SLC4A4: variants seen among roughly 807,000 people sequenced by gnomAD.
SLC4A4 encodes solute carrier family 4 member 4.
SLC4A4 carries 27 observed loss-of-function variants against 111.5 expected under a neutral mutation model. The observed-to-expected ratio is 0.24, with a 90% CI of 0.18 to 0.33. SLC4A4 has a LOEUF of 0.33. SLC4A4 is among the 10% of genes least tolerant of loss of function. The pLI is 1.00. For missense variants in SLC4A4, 909 were observed against 1,315.5 expected (o/e 0.69, Z 4.78); for synonymous variants, 443 against 463.4 (o/e 0.96, Z 0.57).
At chr4:71,279,477 T>C (rs1723331094) in intron 3 of SLC4A4, among the ~76,000 whole-genome samples, 1 of 152,198 alleles carries the variant, frequency 6.6e-6, no homozygotes, top group Admixed American at 6.5e-5. Flanking sequence ...TATGTATGTA[T>C]ATATACATAT....
chr4:71,293,429 G>A lies in SLC4A4; in HGVS notation c.253+38030G>A, dbSNP rs568012239. Among the ~76,000 whole-genome samples, 3 of 151,774 alleles carry A rather than the reference G, an allele frequency of 2.0e-5. No homozygotes were observed. In the East Asian group the frequency reaches 5.9e-4, roughly 30 times the overall value. On this transcript the variant is annotated intron_variant, in intron 3 of 25. Transcript: ENST00000264485. ...AATACCAAAATTAGCTGGGTGTGGT[G>A]ATGCACACCTGTAGTCCTAGCTACT... is the stretch of plus-strand genomic sequence containing the variant.
intron 3 of SLC4A4, among the ~76,000 whole-genome samples, chr4:71,299,637 A>G (rs566151646): frequency 7.2e-5 from 11 of 152,354 alleles, no homozygotes; most frequent in Admixed American, 6.5e-4. Flanking sequence ...TGGGGTTTCC[A>G]GAACAAAGGC....
intron 2 of SLC4A4, among the ~76,000 whole-genome samples, chr4:71,160,641 G>A (rs1744595249): frequency 6.6e-6 from 1 of 150,760 alleles, no homozygotes; most frequent in African/African-American, 2.5e-5. Flanking sequence ...GATGAGGGAT[G>A]AGGAAAGGTA....
chr4:71,466,649 T>C, intron 13 of SLC4A4, 72 bp downstream of exon 13: 1 of 1,452,978 alleles, frequency 6.9e-7, no homozygotes, highest in Non-Finnish European at 9.6e-7. Context: ...AGATAGAGCA[T>C]AGAATAGTGA....
At chr4:71,175,789 G>T (rs1458185648) in intron 2 of SLC4A4, among the ~76,000 whole-genome samples, 1 of 152,212 alleles carries the variant, frequency 6.6e-6, no homozygotes, top group Non-Finnish European at 1.5e-5. Flanking sequence ...AGAATCCTCT[G>T]CAGACTTAAA....
chr4:71,269,680 C>G (rs897005403), intron 3 of SLC4A4, among the ~76,000 whole-genome samples: 2 of 152,120 alleles, frequency 1.3e-5, no homozygotes, highest in Non-Finnish European at 2.9e-5. Context: ...GCTGTCATGT[C>G]CATGATTATG....
chr4:71,172,590 T>C (rs1268738700), intron 2 of SLC4A4, among the ~76,000 whole-genome samples: 3 of 152,240 alleles, frequency 2.0e-5, no homozygotes, highest in South Asian at 2.1e-4. Context: ...TTGCAGAATA[T>C]GAATCTTCTT....
chr4:71,398,192 T>C (rs1460505475), intron 7 of SLC4A4, among the ~76,000 whole-genome samples: 2 of 149,552 alleles, frequency 1.3e-5, no homozygotes, highest in Admixed American at 1.4e-4. Flanking sequence ...GGCTGAAGCA[T>C]GAGAATCGCT....
intron 7 of SLC4A4, among the ~76,000 whole-genome samples, chr4:71,401,198 T>C (rs1172678680): frequency 6.6e-6 from 1 of 152,228 alleles, no homozygotes; most frequent in Non-Finnish European, 1.5e-5. Flanking sequence ...ATATTTTTTA[T>C]GAGATTCTGT....
chr4:71,406,890 C>T (rs543247947), intron 7 of SLC4A4, among the ~76,000 whole-genome samples: 4 of 152,242 alleles, frequency 2.6e-5, no homozygotes, highest in South Asian at 2.1e-4. Flanking sequence ...TCTATTGCTA[C>T]GTAAGCAATA....
chr4:71,492,650 C>T (rs186794523), intron 15 of SLC4A4, among the ~76,000 whole-genome samples: 2 of 152,096 alleles, frequency 1.3e-5, no homozygotes, highest in East Asian at 1.9e-4. Context: ...CATCTTTGCT[C>T]TTGATGTCTC....
chr4:71,382,595 A>C (rs1330743383), intron 6 of SLC4A4, among the ~76,000 whole-genome samples: 1 of 152,216 alleles, frequency 6.6e-6, no homozygotes, highest in Non-Finnish European at 1.5e-5. Flanking sequence ...TATTAAAATG[A>C]AATGGATCAC....
intron 1 of SLC4A4, among the ~76,000 whole-genome samples, chr4:71,212,500 C>T (rs1037191331): frequency 6.6e-6 from 1 of 152,020 alleles, no homozygotes; most frequent in African/African-American, 2.4e-5. Flanking sequence ...GAGGGGCTCA[C>T]CAGAAATGAG....
intron 7 of SLC4A4, among the ~76,000 whole-genome samples, chr4:71,402,697 C>A (rs1351763484): frequency 6.6e-6 from 1 of 152,226 alleles, no homozygotes; most frequent in African/African-American, 2.4e-5. Context: ...GGTCCTTAGT[C>A]ACTACAGTTT....
At chr4:71,302,284 G>A (rs1725334681) in intron 3 of SLC4A4, among the ~76,000 whole-genome samples, 1 of 152,142 alleles carries the variant, frequency 6.6e-6, no homozygotes, top group Admixed American at 6.5e-5. Context: ...TCTTGATTCT[G>A]CTAGTAACTT....
rs1354236780 is a variant in SLC4A4 at position 71,569,272 on chromosome 4, A to G, written c.*1521A>G. ...CATTATAATTGATATAATAGCTCTAACATGCAATATAAAATTCATAGGAGT... is the reference window on the plus strand; with the variant it reads ...CATTATAATTGATATAATAGCTCTAGCATGCAATATAAAATTCATAGGAGT... On this transcript the variant is annotated 3_prime_UTR_variant, in exon 26 of 26. Coordinates refer to ENST00000264485, the MANE Select transcript of SLC4A4 (RefSeq NM_001098484.3). 2 of 151,736 alleles carry G rather than the reference A, an allele frequency of 1.3e-5. No homozygotes were observed. The highest frequency in any genetic ancestry group is 2.9e-5 in the Non-Finnish European group (2 of 67,812). The allele number at this position is 151,736 out of a possible 1,614,324, so 9.4% of individuals were successfully genotyped here.
Position 71,439,384 on chromosome 4 carries a change from C to T in SLC4A4, c.808-1232C>T, listed in dbSNP as rs376253863. 1.9e-3 allele frequency among the ~76,000 whole-genome samples: 259 copies of T among 135,930 alleles called. 3 individuals are homozygous for T. The South Asian group carries it at 0.031, about 17-fold the overall frequency. 89.2% of individuals were successfully genotyped at this position (135,930 alleles called of 152,430 possible). A position where few individuals can be genotyped will look rare whatever the true frequency, so the allele number is the denominator to read the frequency against. ...CAAAGGTTGCAGTGAGCCGAGATCG[C>T]GCCACTGCACCACTGCACTTCAACC... On this transcript the variant is annotated intron_variant, in intron 7 of 25. Coordinates refer to ENST00000264485, the MANE Select transcript of SLC4A4 (RefSeq NM_001098484.3).
At chr4:71,451,344 T>A (rs1560520208) in intron 11 of SLC4A4, 43 bp downstream of exon 11, 4 of 1,228,620 alleles carry the variant, frequency 3.3e-6, no homozygotes, top group Non-Finnish European at 3.6e-6. Flanking sequence ...AGGTTCTCCT[T>A]AAATGTAAAT....
chr4:71,335,669 C>CAAAA (rs546322637), intron 3 of SLC4A4, among the ~76,000 whole-genome samples: 1 of 151,962 alleles, frequency 6.6e-6, no homozygotes, highest in Non-Finnish European at 1.5e-5. Context: ...ACTAAAAATA[C>CAAAA]AAAAAATTAG....
Sources: allele counts gnomAD v4.1 joint callset (sites outside exome capture counted in the v4.1 genomes callset), GRCh38; gene constraint gnomAD v4.1.1; transcripts MANE v1.5; gene names NCBI Gene and HGNC (gene_info 2026-07-23, HGNC 2026-07-21).